The following ENPP6 variants were observed in gnomAD, a reference collection of about 807,000 sequenced individuals.
The protein encoded by ENPP6 is glycerophosphocholine cholinephosphodiesterase ENPP6.
ENPP6 carries 32 observed loss-of-function variants against 42.0 expected under a neutral mutation model. That is an observed-to-expected ratio of 0.76 (90% CI 0.58 to 1.02). ENPP6 has a LOEUF of 1.02. Ranked by LOEUF, ENPP6 falls within the 50% of genes least tolerant of loss-of-function variation. The pLI, the probability that ENPP6 is intolerant of heterozygous loss-of-function variation, is 0.00. For missense variants in ENPP6, 552 were observed against 566.8 expected (o/e 0.97, Z 0.27); for synonymous variants, 213 against 216.0 (o/e 0.99, Z 0.12).
chr4:184,098,264 G>A (rs2111329813), intron 6 of ENPP6, among the ~76,000 whole-genome samples: 1 of 152,330 alleles, frequency 6.6e-6, no homozygotes, highest in South Asian at 2.1e-4. Flanking sequence ...TGGCCTCTGA[G>A]TGGGGGCTGT....
chr4:184,199,042 T>A (rs980510787), intron 1 of ENPP6, among the ~76,000 whole-genome samples: 1 of 152,186 alleles, frequency 6.6e-6, no homozygotes, highest in African/African-American at 2.4e-5. Flanking sequence ...GCCGCCTCCA[T>A]GCCACGAAGC....
At chr4:184,116,546 C>T (rs1261350446) in intron 5 of ENPP6, among the ~76,000 whole-genome samples, 1 of 151,822 alleles carries the variant, frequency 6.6e-6, no homozygotes, top group Non-Finnish European at 1.5e-5. Context: ...ACCAGCCTGA[C>T]CACATGGAGA....
chr4:184,163,954 A>G (rs960565385), intron 1 of ENPP6, among the ~76,000 whole-genome samples: 1 of 152,242 alleles, frequency 6.6e-6, no homozygotes. Context: ...CAGAGGCAGC[A>G]TTCAATGGAG....
intron 6 of ENPP6, among the ~76,000 whole-genome samples, chr4:184,104,556 C>A (rs1736055496): frequency 6.6e-6 from 1 of 152,158 alleles, no homozygotes; most frequent in African/African-American, 2.4e-5. Context: ...CTGTGTCCTG[C>A]CCTTGGACTG....
At chr4:184,207,753 TTC>T (rs1733024732) in intron 1 of ENPP6, among the ~76,000 whole-genome samples, 3 of 152,212 alleles carry the variant, frequency 2.0e-5, no homozygotes, top group Admixed American at 2.0e-4. Flanking sequence ...CTACTCCCTA[TTC>T]TCTGTGTATT....
At chr4:184,206,251 A>ATTAT (rs752341794) in intron 1 of ENPP6, among the ~76,000 whole-genome samples, 1 of 93,408 alleles carries the variant, frequency 1.1e-5, no homozygotes, top group Admixed American at 1.2e-4. Flanking sequence ...GGAAGCTTGA[A>ATTAT]TTTTTTTTTT....
At chr4:184,212,877 G>T (rs1321208561) in intron 1 of ENPP6, among the ~76,000 whole-genome samples, 1 of 152,068 alleles carries the variant, frequency 6.6e-6, no homozygotes, top group Non-Finnish European at 1.5e-5. Flanking sequence ...CATGGTACTG[G>T]TACCAAAACA....
intron 1 of ENPP6, among the ~76,000 whole-genome samples, chr4:184,171,824 C>T (rs752926832): frequency 4.6e-5 from 7 of 151,672 alleles, no homozygotes; most frequent in African/African-American, 1.7e-4. Context: ...CGGCACGATT[C>T]GAGATGCTGA....
At chr4:184,217,541 C>A in intron 1 of ENPP6, 38 bp downstream of exon 1, 1 of 1,608,540 alleles carries the variant, frequency 6.2e-7, no homozygotes, top group African/African-American at 1.3e-5. Flanking sequence ...TGGATGCCAG[C>A]CCTCCCCTCC....
intron 1 of ENPP6, among the ~76,000 whole-genome samples, chr4:184,209,369 A>G (rs2111123504): frequency 6.7e-6 from 1 of 149,428 alleles, no homozygotes; most frequent in Admixed American, 6.6e-5. Context: ...AACTAGAATA[A>G]CCAATACAGA....
intron 6 of ENPP6, among the ~76,000 whole-genome samples, chr4:184,103,335 G>A (rs1167450993): frequency 1.3e-5 from 2 of 152,206 alleles, no homozygotes; most frequent in Non-Finnish European, 2.9e-5. Context: ...ATCACAACAG[G>A]TCTCCAGGGA....
rs575075221 is a variant in ENPP6 at position 184,206,498 on chromosome 4, C to T, written c.241+11081G>A. Among the ~76,000 whole-genome samples the T allele has an allele frequency of 6.0e-5, 9 of 150,736 alleles. No individual in the cohort carries two copies. In the East Asian group the frequency reaches 1.0e-3, roughly 17 times the overall value. ...GTCTCGATCTCCTGACCTCGTGATC[C>T]GCCCGTCTCGGCCTCCCAAAGTGCT... On this transcript the variant is annotated intron_variant, in intron 1 of 7. Transcript: ENST00000296741.
At chr4:184,122,267 T>G (rs1384319162) in intron 3 of ENPP6, among the ~76,000 whole-genome samples, 3 of 152,164 alleles carry the variant, frequency 2.0e-5, no homozygotes, top group African/African-American at 7.2e-5. Context: ...ACAATTTAAA[T>G]ACGTGGAGCT....
chr4:184,162,559 A>AGGAGG (rs1560997410), intron 1 of ENPP6, among the ~76,000 whole-genome samples: 16 of 122,028 alleles, frequency 1.3e-4, no homozygotes, highest in Admixed American at 1.9e-4. Flanking sequence ...AAGGAAGGAA[A>AGGAGG]GAAGGAAGGA....
chr4:184,148,207 C>T (rs922235648), intron 2 of ENPP6, among the ~76,000 whole-genome samples: 4 of 152,162 alleles, frequency 2.6e-5, no homozygotes, highest in Non-Finnish European at 4.4e-5. Flanking sequence ...TGCTTTTGCT[C>T]ATGGTTGTCT....
At chr4:184,180,759 C>A (rs537376420) in intron 1 of ENPP6, among the ~76,000 whole-genome samples, 1 of 152,262 alleles carries the variant, frequency 6.6e-6, no homozygotes, top group South Asian at 2.1e-4. Flanking sequence ...ATGACAAAAA[C>A]CACATGATTA....
intron 3 of ENPP6, among the ~76,000 whole-genome samples, chr4:184,123,102 C>T (rs148863857): frequency 1.3e-5 from 2 of 152,168 alleles, no homozygotes; most frequent in East Asian, 1.9e-4. Context: ...TGATAGGTTT[C>T]GTGGAAGTGG....
At chr4:184,134,159 T>TA (rs1560988561) in intron 2 of ENPP6, among the ~76,000 whole-genome samples, 1 of 151,882 alleles carries the variant, frequency 6.6e-6, no homozygotes, top group Non-Finnish European at 1.5e-5. Flanking sequence ...TTTATTTATT[T>TA]TTAGAGCTGG....
chr4:184,177,734 G>T (rs1732463400), intron 1 of ENPP6, among the ~76,000 whole-genome samples: 1 of 152,048 alleles, frequency 6.6e-6, no homozygotes, highest in African/African-American at 2.4e-5. Flanking sequence ...CCAAGCGAAT[G>T]GAGTCTGGAG....
Sources: allele counts gnomAD v4.1 joint callset (sites outside exome capture counted in the v4.1 genomes callset), GRCh38; gene constraint gnomAD v4.1.1; transcripts MANE v1.5; gene names NCBI Gene and HGNC (gene_info 2026-07-23, HGNC 2026-07-21).